The following AKT1 variants were observed in gnomAD, a reference collection of about 807,000 sequenced individuals.
The protein encoded by AKT1 is RAC-alpha serine/threonine-protein kinase.
AKT1 carries 21 observed loss-of-function variants against 63.1 expected under a neutral mutation model. The observed-to-expected ratio is 0.33, with a 90% CI of 0.24 to 0.48. The LOEUF is 0.48. Ranked by LOEUF, AKT1 falls within the 20% of genes least tolerant of loss-of-function variation. The pLI, the probability that AKT1 is intolerant of heterozygous loss-of-function variation, is 0.99. For synonymous variants in AKT1, 257 were observed against 253.1 expected (o/e 1.02, Z -0.15); for missense variants, 382 against 666.0 (o/e 0.57, Z 4.69).
Position 104,781,022 on chromosome 14 carries a change from C to T in AKT1, c.47-806G>A, listed in dbSNP as rs36214557. On this transcript the variant is annotated intron_variant, in intron 3 of 14. Transcript: ENST00000649815. ...CCCACCCGTGGGTCATTCAGGTACA[C>T]GGGAACATTCTCCCTCAAGTTTTGC... 6.5e-3 allele frequency among the ~76,000 whole-genome samples: 997 copies of T among 152,318 alleles called. 4 individuals carry two copies. Among genetic ancestry groups the T allele is most frequent in the Middle Eastern group, 0.02 (6 of 294 alleles).
chr14:104,775,584 A>G, intron 6 of AKT1, 68 bp downstream of exon 6: 1 of 1,567,894 alleles, frequency 6.4e-7, no homozygotes, highest in South Asian at 1.2e-5. Flanking sequence ...CTGGGACCCC[A>G]TGACCCACCC....
At chr14:104,781,764 G>A (rs916673103) in intron 3 of AKT1, among the ~76,000 whole-genome samples, 6 of 152,216 alleles carry the variant, frequency 3.9e-5, no homozygotes, top group Non-Finnish European at 8.8e-5. Flanking sequence ...GGAAGAGGCT[G>A]TTGTCAGGTC....
chr14:104,775,378 A>C, intron 6 of AKT1, 171 bp from the exon 7 acceptor site: 1 of 1,278,742 alleles, frequency 7.8e-7, no homozygotes. Context: ...TACAGGGAAC[A>C]CATGGCTGCG....
At chr14:104,779,953 ACCCAGCCAGTGCTTGTT>A in intron 4 of AKT1, 118 bp downstream of exon 4, 1 of 1,306,876 alleles carries the variant, frequency 7.7e-7, no homozygotes, top group Non-Finnish European at 1.0e-6. Flanking sequence ...AGAGACCCCC[ACCCAGCCAGTGCTTGTT>A]GCTTGCCAGC....
chr14:104,773,674 G>A (rs2140908225), intron 9 of AKT1, 94 bp from the exon 10 acceptor site: 1 of 1,506,060 alleles, frequency 6.6e-7, no homozygotes, highest in Non-Finnish European at 8.9e-7. Flanking sequence ...TCTCGGCATT[G>A]CACAGGGAAG....
At chr14:104,774,508 T>C (rs1378445782) in intron 8 of AKT1, 1 of 234,146 alleles carries the variant, frequency 4.3e-6, no homozygotes, top group Non-Finnish European at 8.4e-6. Context: ...AGGAGAATCG[T>C]CCCCAAACAC....
In AKT1 at chr14:104,773,972, C is replaced by T. The variant is rs765986469; in HGVS notation, c.642G>A (p.Lys214=). Residue 214 remains lysine (K), a synonymous_variant, in exon 9 of 15, where the codon AAG becomes AAA. Transcript: ENST00000649815. ...NSRHPFLTAL[K]YSFQTHDRLC... ...GGCGGTCGTGGGTCTGGAAAGAGTA[C>T]TTCAGGGCCTGCAAGGAAGGGGAGC... 3.7e-6 allele frequency: 6 copies of T among 1,612,458 alleles called. No individual in the cohort carries two copies. The highest frequency in any genetic ancestry group is 1.3e-5 in the African/African-American group (1 of 75,004).
At chr14:104,791,931 C>T (rs901656704) in intron 3 of AKT1, among the ~76,000 whole-genome samples, 2 of 152,238 alleles carry the variant, frequency 1.3e-5, no homozygotes, top group African/African-American at 4.8e-5. Flanking sequence ...TCCACCGCAC[C>T]CCGCTGAGCA....
chr14:104,785,660 A>G (rs1328477519), intron 3 of AKT1, among the ~76,000 whole-genome samples: 1 of 152,182 alleles, frequency 6.6e-6, no homozygotes, highest in Non-Finnish European at 1.5e-5. Context: ...GAGGCAGATC[A>G]TGACCAGAGA....
chr14:104,781,408 C>T (rs982834087), intron 3 of AKT1, among the ~76,000 whole-genome samples: 2 of 152,152 alleles, frequency 1.3e-5, no homozygotes, highest in African/African-American at 4.8e-5. Flanking sequence ...TCGTGGTGAG[C>T]CCAGACGCGT....
intron 8 of AKT1, 153 bp downstream of exon 8, chr14:104,774,785 G>C (rs1892612647): frequency 9.5e-6 from 8 of 841,096 alleles, no homozygotes; most frequent in Non-Finnish European, 1.4e-5. Context: ...TCCACAGCCT[G>C]ACCCTCCAGG....
intron 8 of AKT1, chr14:104,774,223 A>C: frequency 1.8e-6 from 1 of 541,398 alleles, no homozygotes; most frequent in East Asian, 3.2e-5. Context: ...CCCCCATGCC[A>C]CGCTGCCCCA....
Position 104,783,586 on chromosome 14 carries a change from G to A in AKT1, c.47-3370C>T, listed in dbSNP as rs1474469820. 3.5e-5 allele frequency among the ~76,000 whole-genome samples: 5 copies of A among 144,498 alleles called. No individual in the cohort carries two copies. The Admixed American group carries it at 3.6e-4, about 10-fold the overall frequency. 94.8% of individuals were successfully genotyped at this position (144,498 alleles called of 152,430 possible). A position where few individuals can be genotyped will look rare whatever the true frequency, so the allele number is the denominator to read the frequency against. On this transcript the variant is annotated intron_variant, in intron 3 of 14. Transcript: ENST00000649815. ...AACACAGAGTGGGCACAGACCCCCA[G>A]GTTGCCACGCCAGGCCCTCACTCCA...
rs1286175037 is a variant in AKT1 at position 104,770,219 on chromosome 14, C to G, written c.*122G>C. 14 of 1,117,324 alleles carry G rather than the reference C, an allele frequency of 1.3e-5. No individual in the cohort carries two copies. The highest frequency in any genetic ancestry group is 2.7e-5 in the South Asian group (2 of 74,658). The allele number at this position is 1,117,324 out of a possible 1,614,324, so 69.2% of individuals were successfully genotyped here. On this transcript the variant is annotated 3_prime_UTR_variant, in exon 15 of 15. Transcript: ENST00000649815. ...ACAAAAACGTCTTTCCATCTGGGCT[C>G]GAGAGGACAGCGTGGCTTCTCTCAA...
At chr14:104,792,139 C>T (rs1442155914) in intron 3 of AKT1, among the ~76,000 whole-genome samples, 2 of 152,222 alleles carry the variant, frequency 1.3e-5, no homozygotes, top group African/African-American at 4.8e-5. Flanking sequence ...CCAAGGCAAA[C>T]ATGCCCTGTG....
intron 3 of AKT1, among the ~76,000 whole-genome samples, chr14:104,788,811 G>C (rs1893471216): frequency 6.6e-6 from 1 of 152,190 alleles, no homozygotes; most frequent in South Asian, 2.1e-4. Context: ...CTCAGCAGGA[G>C]TGGTGAGGGG....
intron 4 of AKT1, among the ~76,000 whole-genome samples, chr14:104,779,726 C>T (rs1382879378): frequency 6.6e-6 from 1 of 151,182 alleles, no homozygotes; most frequent in African/African-American, 2.4e-5. Context: ...CAGCCAGCCT[C>T]GGCCTCGGGA....
intron 3 of AKT1, chr14:104,786,437 C>T (rs1893336764): frequency 6.8e-5 from 1 of 14,708 alleles, no homozygotes; most frequent in Admixed American, 9.3e-4. Context: ...GGGGCTCGGC[C>T]GGGGGCACGC....
rs1130233 is a variant in AKT1, at chr14:104,773,557, C to T, written c.726G>A (p.Glu242=). The T allele has an allele frequency of 0.25, 409,464 of 1,607,306 alleles. 56,957 individuals carry two copies. The highest frequency in any genetic ancestry group is 0.53 in the East Asian group (23,729 of 44,512). ...GGGCCCGGTCCTCGGAGAACACACG[C>T]TCCCGGGACAGGTGGAAGAACAGCT... The part of the protein sequence containing the change: ...GGELFFHLSR[E]RVFSEDRARF... The change falls in exon 10 of 15, where the codon GAG becomes GAA. Residue 242 remains glutamate, a synonymous_variant. Coordinates refer to ENST00000649815, the MANE Select transcript of AKT1 (RefSeq NM_001382430.1).
Sources: allele counts gnomAD v4.1 joint callset (sites outside exome capture counted in the v4.1 genomes callset), GRCh38; gene constraint gnomAD v4.1.1; transcripts MANE v1.5; gene names NCBI Gene and HGNC (gene_info 2026-07-23, HGNC 2026-07-21).